The following UBE2E2 variants were observed in gnomAD, a reference collection of about 807,000 sequenced individuals.
The protein encoded by UBE2E2 is ubiquitin-conjugating enzyme E2 E2.
In UBE2E2, 6 loss-of-function variants were observed where a neutral mutation model predicts 24.7. That is an observed-to-expected ratio of 0.24 (90% CI 0.13 to 0.48). The LOEUF (loss-of-function observed/expected upper bound fraction) is 0.48, where lower values mean the gene tolerates loss of function less well. Ranked by LOEUF, UBE2E2 falls within the 20% of genes least tolerant of loss-of-function variation. UBE2E2 has a pLI of 0.99. For missense variants in UBE2E2, 169 were observed against 245.0 expected (o/e 0.69, Z 2.07); for synonymous variants, 104 against 83.6 (o/e 1.24, Z -1.33).
chr3:23,381,630 T>A (rs1696673716), intron 3 of UBE2E2, among the ~76,000 whole-genome samples: 1 of 152,172 alleles, frequency 6.6e-6, no homozygotes, highest in Non-Finnish European at 1.5e-5. Context: ...CTGAATTATG[T>A]TAATATTAGG....
At chr3:23,235,469 A>T (rs1040335687) in intron 3 of UBE2E2, among the ~76,000 whole-genome samples, 14 of 151,896 alleles carry the variant, frequency 9.2e-5, no homozygotes, top group African/African-American at 3.4e-4. Context: ...GGGCAGGGGA[A>T]TGCTGTTGTA....
intron 4 of UBE2E2, among the ~76,000 whole-genome samples, chr3:23,515,108 A>C (rs1393456484): frequency 6.7e-6 from 1 of 148,936 alleles, no homozygotes; most frequent in Non-Finnish European, 1.5e-5. Flanking sequence ...TGTAGGGACA[A>C]AATAAACTTG....
chr3:23,382,847 G>A (rs769242475), intron 3 of UBE2E2, among the ~76,000 whole-genome samples: 2 of 151,836 alleles, frequency 1.3e-5, no homozygotes, highest in Non-Finnish European at 2.9e-5. Flanking sequence ...CAAAGGACCA[G>A]ACATGAAGGG....
chr3:23,458,168 C>T (rs1257364714), intron 3 of UBE2E2, among the ~76,000 whole-genome samples: 1 of 152,008 alleles, frequency 6.6e-6, no homozygotes, highest in Non-Finnish European at 1.5e-5. Context: ...TGTGATTCTT[C>T]CTTTCATTTG....
chr3:23,309,695 G>GA (rs1357642773), intron 3 of UBE2E2, among the ~76,000 whole-genome samples: 2 of 152,098 alleles, frequency 1.3e-5, no homozygotes, highest in East Asian at 1.9e-4. Context: ...CAAAGCTGGG[G>GA]AAAAAAGATG....
At chr3:23,433,540 C>T (rs112694245) in intron 3 of UBE2E2, among the ~76,000 whole-genome samples, 4 of 151,768 alleles carry the variant, frequency 2.6e-5, no homozygotes, top group Non-Finnish European at 4.4e-5. Flanking sequence ...AGTACATTGA[C>T]GCAGATTTAT....
intron 5 of UBE2E2, among the ~76,000 whole-genome samples, chr3:23,567,040 TAGTG>T (rs988169266): frequency 1.3e-5 from 2 of 152,182 alleles, no homozygotes; most frequent in African/African-American, 4.8e-5. Context: ...AGACCAGTCT[TAGTG>T]AGGTAAAAAG....
chr3:23,212,655 C>A (rs926369755), intron 2 of UBE2E2, among the ~76,000 whole-genome samples: 1 of 151,996 alleles, frequency 6.6e-6, no homozygotes, highest in Non-Finnish European at 1.5e-5. Flanking sequence ...CCACTGTATT[C>A]CAGTTTGAAC....
chr3:23,465,099 G>A (rs562569392), intron 3 of UBE2E2, among the ~76,000 whole-genome samples: 33 of 152,080 alleles, frequency 2.2e-4, no homozygotes, highest in Non-Finnish European at 4.7e-4. Flanking sequence ...ACTTCTTATT[G>A]TTATTTTAGA....
chr3:23,461,642 T>G (rs1698806707), intron 3 of UBE2E2, among the ~76,000 whole-genome samples: 1 of 152,158 alleles, frequency 6.6e-6, no homozygotes, highest in Non-Finnish European at 1.5e-5. Context: ...TAAAATATCC[T>G]GAGTTGCATT....
chr3:23,472,033 C>T (rs1219422267), intron 3 of UBE2E2, among the ~76,000 whole-genome samples: 1 of 151,408 alleles, frequency 6.6e-6, no homozygotes, highest in Non-Finnish European at 1.5e-5. Context: ...AAAACATGCC[C>T]CAAAAAATCC....
chr3:23,330,416 T>G (rs1695029101), intron 3 of UBE2E2, among the ~76,000 whole-genome samples: 1 of 152,242 alleles, frequency 6.6e-6, no homozygotes, highest in Non-Finnish European at 1.5e-5. Context: ...TAGTCTACGT[T>G]GCTGGCAGAA....
intron 3 of UBE2E2, among the ~76,000 whole-genome samples, chr3:23,483,563 A>T (rs994360360): frequency 6.6e-6 from 1 of 152,164 alleles, no homozygotes; most frequent in Non-Finnish European, 1.5e-5. Flanking sequence ...TGTGGATTTT[A>T]TTATGTGTTT....
At chr3:23,219,089 A>G (rs183474062) in intron 3 of UBE2E2, among the ~76,000 whole-genome samples, 1 of 152,172 alleles carries the variant, frequency 6.6e-6, no homozygotes, top group South Asian at 2.1e-4. Context: ...TTGTAAGGAA[A>G]TTCTCACTTG....
At chr3:23,288,624 T>C (rs1195117611) in intron 3 of UBE2E2, among the ~76,000 whole-genome samples, 1 of 152,222 alleles carries the variant, frequency 6.6e-6, no homozygotes, top group Non-Finnish European at 1.5e-5. Context: ...ATTTATGTTA[T>C]ATCCTCTTGC....
intron 5 of UBE2E2, among the ~76,000 whole-genome samples, chr3:23,560,147 G>T (rs1413559348): frequency 6.6e-6 from 1 of 151,814 alleles, no homozygotes; most frequent in African/African-American, 2.4e-5. Flanking sequence ...TGCCATGTTG[G>T]TGTGCTGCAC....
At chr3:23,533,513 C>T (rs1434742233) in intron 5 of UBE2E2, among the ~76,000 whole-genome samples, 2 of 151,650 alleles carry the variant, frequency 1.3e-5, no homozygotes, top group Non-Finnish European at 2.9e-5. Flanking sequence ...AGTGGGGTTG[C>T]TTAGGATCCT....
At chr3:23,262,018 T>A (rs1419270761) in intron 3 of UBE2E2, among the ~76,000 whole-genome samples, 1 of 152,208 alleles carries the variant, frequency 6.6e-6, no homozygotes. Flanking sequence ...AACAATGTTC[T>A]AGTTTTAATT....
intron 3 of UBE2E2, among the ~76,000 whole-genome samples, chr3:23,482,089 T>G (rs961031162): frequency 6.6e-6 from 1 of 152,190 alleles, no homozygotes; most frequent in African/African-American, 2.4e-5. Flanking sequence ...AGACCATCCT[T>G]AGACAACTAA....
Sources: gnomAD v4.1 joint callset for allele counts (sites outside exome capture counted in the v4.1 genomes callset) on GRCh38, gnomAD v4.1.1 for gene constraint, MANE v1.5 for transcripts, NCBI Gene and HGNC (gene_info 2026-07-23, HGNC 2026-07-21) for gene names.